Variants in LRRTM4 observed in about 807,000 individuals in gnomAD.
The protein encoded by LRRTM4 is leucine-rich repeat transmembrane neuronal protein 4.
In LRRTM4, 25 loss-of-function variants were observed where a neutral mutation model predicts 47.6. The ratio of observed to expected loss-of-function variants is 0.53; its 90% CI spans 0.38 to 0.73. LRRTM4 has a LOEUF of 0.73. Among genes scored for constraint, LRRTM4 ranks in the 30% least tolerant of loss-of-function variants. LRRTM4 has a pLI of 0.00. For missense variants in LRRTM4, 638 were observed against 713.4 expected (o/e 0.89, Z 1.20); for synonymous variants, 311 against 269.5 (o/e 1.15, Z -1.51).
chr2:77,216,981 G>A (rs1039338690), intron 3 of LRRTM4, among the ~76,000 whole-genome samples: 1 of 151,690 alleles, frequency 6.6e-6, no homozygotes, highest in Non-Finnish European at 1.5e-5. Flanking sequence ...GCTGAGGCAG[G>A]AGAATGGCGT....
At chr2:76,889,960 A>T (rs981678717) in intron 3 of LRRTM4, among the ~76,000 whole-genome samples, 1 of 151,952 alleles carries the variant, frequency 6.6e-6, no homozygotes, top group East Asian at 1.9e-4. Context: ...TCTGTGACCT[A>T]GTTGTAGATG....
chr2:77,479,110 G>A (rs984850769), intron 3 of LRRTM4, among the ~76,000 whole-genome samples: 1 of 152,000 alleles, frequency 6.6e-6, no homozygotes, highest in Non-Finnish European at 1.5e-5. Flanking sequence ...TGGTCAGGCT[G>A]GTCTCGAACT....
chr2:77,387,047 G>A (rs538309931), intron 3 of LRRTM4, among the ~76,000 whole-genome samples: 32 of 152,092 alleles, frequency 2.1e-4, no homozygotes, highest in African/African-American at 4.8e-4. Flanking sequence ...ACTATGGAAC[G>A]GTTTCATGAC....
intron 3 of LRRTM4, among the ~76,000 whole-genome samples, chr2:76,779,818 T>C (rs562669755): frequency 1.3e-4 from 20 of 152,242 alleles, no homozygotes; most frequent in Non-Finnish European, 2.5e-4. Flanking sequence ...TGTTAGCTGG[T>C]TATTTTGCTC....
At chr2:77,189,155 T>C (rs1558625479) in intron 3 of LRRTM4, among the ~76,000 whole-genome samples, 1 of 152,134 alleles carries the variant, frequency 6.6e-6, no homozygotes, top group South Asian at 2.1e-4. Flanking sequence ...CTTTTAGTAA[T>C]GAATAAAAAG....
At chr2:76,968,647 T>C (rs1462874574) in intron 3 of LRRTM4, among the ~76,000 whole-genome samples, 1 of 151,572 alleles carries the variant, frequency 6.6e-6, no homozygotes, top group Non-Finnish European at 1.5e-5. Context: ...GGGAAATGTA[T>C]GGTGGAAGGA....
intron 3 of LRRTM4, among the ~76,000 whole-genome samples, chr2:76,929,540 C>T (rs773585772): frequency 3.3e-5 from 5 of 152,084 alleles, no homozygotes; most frequent in African/African-American, 4.8e-5. Flanking sequence ...TTTTTAACTT[C>T]GGTTTTCTTC....
chr2:77,494,756 T>G (rs1678297857), intron 3 of LRRTM4, among the ~76,000 whole-genome samples: 1 of 152,128 alleles, frequency 6.6e-6, no homozygotes, highest in Non-Finnish European at 1.5e-5. Context: ...GAGAATGTTT[T>G]CACCACTCAC....
intron 3 of LRRTM4, among the ~76,000 whole-genome samples, chr2:77,183,871 GA>G (rs902800090): frequency 6.6e-6 from 1 of 152,104 alleles, no homozygotes; most frequent in Non-Finnish European, 1.5e-5. Context: ...TCATAGGTGG[GA>G]ATTGAACAAT....
intron 3 of LRRTM4, among the ~76,000 whole-genome samples, chr2:77,435,364 G>T (rs1442967520): frequency 6.6e-6 from 1 of 152,110 alleles, no homozygotes; most frequent in African/African-American, 2.4e-5. Context: ...TGCATCATGA[G>T]ACATATTTTA....
intron 3 of LRRTM4, among the ~76,000 whole-genome samples, chr2:76,876,166 T>G (rs1195521966): frequency 6.6e-6 from 1 of 151,986 alleles, no homozygotes; most frequent in Admixed American, 6.6e-5. Flanking sequence ...AAAAAAGAAG[T>G]TTTTTAAGAG....
At chr2:76,915,283 T>C (rs774764494) in intron 3 of LRRTM4, among the ~76,000 whole-genome samples, 14 of 152,138 alleles carry the variant, frequency 9.2e-5, no homozygotes, top group Non-Finnish European at 1.6e-4. Context: ...GGAAAGTTCA[T>C]CAGGTAACTG....
intron 3 of LRRTM4, among the ~76,000 whole-genome samples, chr2:77,090,560 C>T (rs1485718346): frequency 6.6e-6 from 1 of 152,140 alleles, no homozygotes; most frequent in East Asian, 1.9e-4. Flanking sequence ...GAGACAAACC[C>T]CAGCCACATC....
chr2:77,480,485 A>G (rs987673011), intron 3 of LRRTM4, among the ~76,000 whole-genome samples: 2 of 152,210 alleles, frequency 1.3e-5, no homozygotes, highest in African/African-American at 4.8e-5. Context: ...TGCATCAGCC[A>G]GGGTTAATGT....
intron 3 of LRRTM4, among the ~76,000 whole-genome samples, chr2:77,132,780 C>T (rs760379510): frequency 1.3e-5 from 2 of 152,070 alleles, no homozygotes; most frequent in African/African-American, 2.4e-5. Context: ...TAATTTGGCT[C>T]TTAAGTTTTA....
chr2:77,051,381 G>A (rs1427870472), intron 3 of LRRTM4, among the ~76,000 whole-genome samples: 12 of 152,084 alleles, frequency 7.9e-5, no homozygotes. Flanking sequence ...GAGAGTGAAA[G>A]AACTGTTTAC....
intron 3 of LRRTM4, among the ~76,000 whole-genome samples, chr2:77,320,300 C>G (rs1677749950): frequency 6.6e-6 from 1 of 152,180 alleles, no homozygotes; most frequent in South Asian, 2.1e-4. Flanking sequence ...CATATTACAA[C>G]TGGTACATAC....
intron 3 of LRRTM4, among the ~76,000 whole-genome samples, chr2:76,893,791 C>T (rs1249838126): frequency 6.6e-6 from 1 of 151,756 alleles, no homozygotes; most frequent in African/African-American, 2.4e-5. Flanking sequence ...AAATCAGAGA[C>T]TCATCTATGT....
At chr2:76,969,975 T>C (rs986890721) in intron 3 of LRRTM4, among the ~76,000 whole-genome samples, 1 of 151,988 alleles carries the variant, frequency 6.6e-6, no homozygotes, top group Non-Finnish European at 1.5e-5. Flanking sequence ...ACAACTTTCA[T>C]GTAACTTCAA....
Sources: allele counts gnomAD v4.1 joint callset (sites outside exome capture counted in the v4.1 genomes callset), GRCh38; gene constraint gnomAD v4.1.1; transcripts MANE v1.5; gene names NCBI Gene and HGNC (gene_info 2026-07-23, HGNC 2026-07-21).